The following PINX1 variants were observed in gnomAD, a reference collection of about 807,000 sequenced individuals.
PINX1 encodes the protein PIN2 (TERF1) interacting telomerase inhibitor 1, also known as PIN2/TERF1-interacting telomerase inhibitor 1.
In PINX1, 34 loss-of-function variants were observed where a neutral mutation model predicts 25.4. The ratio of observed to expected loss-of-function variants is 1.34; its 90% CI spans 1.02 to 1.78. The LOEUF is 1.78. PINX1 is among the 40% of genes most tolerant of loss of function. The pLI, the probability that PINX1 is intolerant of heterozygous loss-of-function variation, is 0.00. For missense variants in PINX1, 592 were observed against 404.9 expected, an observed-to-expected ratio of 1.46 and a Z score of -3.97; for synonymous variants, 197 against 147.7, an observed-to-expected ratio of 1.33 and a Z score of -2.42.
At chr8:10,787,208 T>A (rs1224881546) in intron 6 of PINX1, among the ~76,000 whole-genome samples, 1 of 148,896 alleles carries the variant, frequency 6.7e-6, no homozygotes, top group Admixed American at 6.6e-5. Flanking sequence ...ACATATTTTA[T>A]GCACACACAC....
intron 3 of PINX1, among the ~76,000 whole-genome samples, chr8:10,832,584 T>C (rs973593832): frequency 6.6e-6 from 1 of 152,222 alleles, no homozygotes; most frequent in African/African-American, 2.4e-5. Context: ...ACCAAAGTAA[T>C]TCAATTTACC....
intron 6 of PINX1, chr8:10,771,423 T>G (rs1381686241): frequency 1.3e-5 from 2 of 152,392 alleles, no homozygotes; most frequent in Non-Finnish European, 2.9e-5. Context: ...CAATCCCAAG[T>G]GAACATCCTT....
intron 6 of PINX1, among the ~76,000 whole-genome samples, chr8:10,776,533 A>C (rs1163404111): frequency 6.6e-6 from 1 of 152,198 alleles, no homozygotes; most frequent in African/African-American, 2.4e-5. Context: ...AACCTTTGGA[A>C]TGTCAGCAAT....
In PINX1 at chr8:10,804,509, T is replaced by C. The variant is rs555541933; in HGVS notation, c.471+15684A>G. Among the ~76,000 whole-genome samples the C allele has an allele frequency of 7.9e-5, 12 of 152,172 alleles. No homozygotes were observed. The South Asian group carries it at 1.9e-3, about 24-fold the overall frequency. The stretch of plus-strand genomic sequence containing the variant: ...TGTGTTAAGGGAGCTGCATCTGTCA[T>C]ACGCTGGGCACTGCTGACATGGGAC... On this transcript the variant is annotated intron_variant, in intron 6 of 6. Transcript: ENST00000314787.
intron 4 of PINX1, among the ~76,000 whole-genome samples, chr8:10,829,536 G>A (rs1679407506): frequency 6.6e-6 from 1 of 152,048 alleles, no homozygotes; most frequent in African/African-American, 2.4e-5. Context: ...GGAAATCGAG[G>A]TACAGCCATG....
chr8:10,834,479 TAG>T, intron 2 of PINX1, 185 bp downstream of exon 2: 1 of 799,116 alleles, frequency 1.3e-6, no homozygotes, highest in South Asian at 2.0e-5. Flanking sequence ...GCTTAAATGA[TAG>T]AAAGTTGACA....
At chr8:10,779,793 T>C (rs543391228) in intron 6 of PINX1, among the ~76,000 whole-genome samples, 1 of 152,272 alleles carries the variant, frequency 6.6e-6, no homozygotes, top group African/African-American at 2.4e-5. Context: ...GAAATTATAG[T>C]TTTATACATG....
intron 6 of PINX1, among the ~76,000 whole-genome samples, chr8:10,800,577 C>G (rs1186396227): frequency 6.6e-6 from 1 of 151,548 alleles, no homozygotes; most frequent in East Asian, 1.9e-4. Context: ...TCAAGCAATT[C>G]TCCTACCTCA....
intron 6 of PINX1, among the ~76,000 whole-genome samples, chr8:10,769,744 A>G (rs1801167214): frequency 1.3e-5 from 2 of 152,340 alleles, no homozygotes; most frequent in South Asian, 2.1e-4. Flanking sequence ...GCTGGAACAC[A>G]GCAGGAGAGA....
At chr8:10,822,953 A>C (rs2129086625) in intron 5 of PINX1, among the ~76,000 whole-genome samples, 1 of 152,328 alleles carries the variant, frequency 6.6e-6, no homozygotes, top group South Asian at 2.1e-4. Context: ...ACATACTTTT[A>C]TTTTTATCTT....
intron 6 of PINX1, among the ~76,000 whole-genome samples, chr8:10,797,483 G>A (rs925163002): frequency 3.3e-5 from 5 of 152,094 alleles, no homozygotes; most frequent in Admixed American, 1.3e-4. Flanking sequence ...AGACAATATT[G>A]TTGTTTAAAA....
intron 6 of PINX1, among the ~76,000 whole-genome samples, chr8:10,804,964 C>CT (rs1402740236): frequency 6.6e-6 from 1 of 151,918 alleles, no homozygotes; most frequent in Non-Finnish European, 1.5e-5. Context: ...TGGTTTGACG[C>CT]TACAAAGGGA....
intron 6 of PINX1, among the ~76,000 whole-genome samples, chr8:10,788,578 G>GA (rs935503890): frequency 3.3e-5 from 5 of 151,524 alleles, no homozygotes; most frequent in African/African-American, 7.3e-5. Flanking sequence ...AAAAAAACAG[G>GA]AAAAAAAAGT....
Position 10,839,825 on chromosome 8 carries a change from C to T in PINX1, c.-69G>A. 12 of 1,476,320 alleles carry T rather than the reference C, an allele frequency of 8.1e-6. No homozygotes were observed. The highest frequency in any genetic ancestry group is 1.1e-5 in the Non-Finnish European group (12 of 1,077,934). The allele number at this position is 1,476,320 out of a possible 1,614,324, so 91.5% of individuals were successfully genotyped here. On this transcript the variant is annotated 5_prime_UTR_variant, in exon 1 of 7. Coordinates refer to ENST00000314787, the MANE Select transcript of PINX1 (RefSeq NM_017884.6). ...GCGGCCACTGGGCGGGCTGGAGACT[C>T]CAGGAGAATCAGGACGTGCGTAACT...
At chr8:10,804,294 CAGA>C (rs1440790477) in intron 6 of PINX1, among the ~76,000 whole-genome samples, 2 of 152,142 alleles carry the variant, frequency 1.3e-5, no homozygotes, top group African/African-American at 2.4e-5. Context: ...GTACCTAGCA[CAGA>C]AGAATTTAAT....
intron 6 of PINX1, among the ~76,000 whole-genome samples, chr8:10,798,119 G>A (rs1013796805): frequency 6.6e-6 from 1 of 152,218 alleles, no homozygotes; most frequent in Non-Finnish European, 1.5e-5. Context: ...CATGTTTCTG[G>A]GATGTTTGTA....
At chr8:10,817,697 G>A (rs890948236) in intron 6 of PINX1, among the ~76,000 whole-genome samples, 3 of 152,124 alleles carry the variant, frequency 2.0e-5, no homozygotes, top group Non-Finnish European at 2.9e-5. Flanking sequence ...GGGGCTCCTC[G>A]GATGGGGATG....
intron 6 of PINX1, among the ~76,000 whole-genome samples, chr8:10,773,611 A>T (rs1242908459): frequency 6.6e-6 from 1 of 152,222 alleles, no homozygotes; most frequent in Non-Finnish European, 1.5e-5. Context: ...CAAATTCCTC[A>T]TATGAAGGCC....
chr8:10,839,115 G>C (rs1183817390), intron 1 of PINX1, among the ~76,000 whole-genome samples: 2 of 152,166 alleles, frequency 1.3e-5, no homozygotes, highest in South Asian at 2.1e-4. Flanking sequence ...CCTCTACAGA[G>C]ACAGGGGTTT....
Sources: gnomAD v4.1 joint callset for allele counts (sites outside exome capture counted in the v4.1 genomes callset) on GRCh38, gnomAD v4.1.1 for gene constraint, MANE v1.5 for transcripts, NCBI Gene and HGNC (gene_info 2026-07-23, HGNC 2026-07-21) for gene names.